The following B4GALT5 variants were observed in gnomAD, a reference collection of about 807,000 sequenced individuals.
The protein encoded by B4GALT5 is beta-1,4-galactosyltransferase 5.
In B4GALT5, 11 loss-of-function variants were observed where a neutral mutation model predicts 45.0. The observed-to-expected ratio is 0.24, with a 90% CI of 0.15 to 0.40. B4GALT5 has a LOEUF of 0.40. Ranked by LOEUF, B4GALT5 falls within the 10% of genes least tolerant of loss-of-function variation. B4GALT5 has a pLI of 1.00. For missense variants in B4GALT5, 337 were observed against 500.2 expected (o/e 0.67, Z 3.11); for synonymous variants, 185 against 182.9 (o/e 1.01, Z -0.09).
At chr20:49,668,871 CTTTTT>C (rs1211404044) in intron 1 of B4GALT5, among the ~76,000 whole-genome samples, 1 of 150,674 alleles carries the variant, frequency 6.6e-6, no homozygotes, top group Non-Finnish European at 1.5e-5. Flanking sequence ...TCATACTAAG[CTTTTT>C]TTTTAGACAG....
Position 49,713,653 on chromosome 20 carries a change from C to A in B4GALT5, c.38G>T (p.Arg13Leu), listed in dbSNP as rs1470699045. 1.3e-6 allele frequency: 2 copies of A among 1,564,756 alleles called. No individual in the cohort carries two copies. Among genetic ancestry groups the A allele is most frequent in the Non-Finnish European group, 1.7e-6 (2 of 1,157,854 alleles). Residue 13 changes from arginine (R) to leucine (L), a missense_variant, in exon 1 of 9, where the codon CGC becomes CTC. Physicochemically the swap from Arg to Leu is moderately radical, Grantham distance 102. Transcript: ENST00000371711. ...GAAGAAGAGCGCGGCGAGCAGCGAG[C>A]GGCGCGGCAGCCGCAGCAGCCCCCG... ...ARRGLLRLPR[R>L]SLLAALFFFS...
intron 2 of B4GALT5, among the ~76,000 whole-genome samples, chr20:49,653,891 T>C (rs2085631799): frequency 1.3e-5 from 2 of 152,194 alleles, no homozygotes; most frequent in Non-Finnish European, 2.9e-5. Context: ...AGGGTGAAAC[T>C]CACCTCTGTA....
chr20:49,639,478 C>A (rs531197891), intron 7 of B4GALT5, among the ~76,000 whole-genome samples, 200 bp downstream of exon 7: 1 of 152,244 alleles, frequency 6.6e-6, no homozygotes, highest in Admixed American at 6.5e-5. Context: ...ATCCTCCCAC[C>A]TCGGCCTTCC....
rs1187585837 is a variant in B4GALT5, at chr20:49,676,078, T to C, written c.116-19376A>G. Among the ~76,000 whole-genome samples, 6 of 138,912 alleles carry C rather than the reference T, an allele frequency of 4.3e-5. No individual in the cohort carries two copies. In the East Asian group the frequency reaches 1.5e-3, roughly 34 times the overall value. 91.1% of individuals were successfully genotyped at this position (138,912 alleles called of 152,430 possible). A position where few individuals can be genotyped will look rare whatever the true frequency, so the allele number is the denominator to read the frequency against. ...CAAAGCTTGGCATTTTCGGAATCCCTACTCATAAAGTGACTCAGTCCACCG... is the reference window on the plus strand; with the variant it reads ...CAAAGCTTGGCATTTTCGGAATCCCCACTCATAAAGTGACTCAGTCCACCG... On this transcript the variant is annotated intron_variant, in intron 1 of 8. Transcript: ENST00000371711.
At chr20:49,705,904 G>GT (rs1344009434) in intron 1 of B4GALT5, among the ~76,000 whole-genome samples, 3 of 151,860 alleles carry the variant, frequency 2.0e-5, no homozygotes, top group Admixed American at 6.6e-5. Flanking sequence ...ATAAGGCCGG[G>GT]TGCAGTGGCT....
chr20:49,654,734 A>G (rs1288514034), intron 2 of B4GALT5, among the ~76,000 whole-genome samples: 1 of 152,238 alleles, frequency 6.6e-6, no homozygotes, highest in African/African-American at 2.4e-5. Flanking sequence ...ATTAGAGAAG[A>G]AGAGAGGACT....
intron 1 of B4GALT5, among the ~76,000 whole-genome samples, chr20:49,708,616 G>GA (rs1408799958): frequency 7.2e-5 from 11 of 152,158 alleles, no homozygotes; most frequent in Admixed American, 7.2e-4. Flanking sequence ...CAAGGAAAGA[G>GA]AAAAATTAGT....
chr20:49,701,479 GA>G (rs1189049678), intron 1 of B4GALT5, among the ~76,000 whole-genome samples: 5 of 151,216 alleles, frequency 3.3e-5, no homozygotes, highest in Admixed American at 1.3e-4. Flanking sequence ...AAGGATAACA[GA>G]AAAAAAAACC....
chr20:49,692,305 G>GAA (rs11482585), intron 1 of B4GALT5, among the ~76,000 whole-genome samples: 71 of 143,588 alleles, frequency 4.9e-4, no homozygotes, highest in Non-Finnish European at 6.5e-4. Context: ...CTCTACAAAA[G>GAA]AAAAAAAAAA....
At chr20:49,679,739 C>A (rs2085756778) in intron 1 of B4GALT5, among the ~76,000 whole-genome samples, 1 of 152,096 alleles carries the variant, frequency 6.6e-6, no homozygotes, top group Non-Finnish European at 1.5e-5. Context: ...TTCAGTGGAC[C>A]TGACTACTGA....
At chr20:49,678,275 G>A (rs1016752033) in intron 1 of B4GALT5, among the ~76,000 whole-genome samples, 6 of 152,192 alleles carry the variant, frequency 3.9e-5, no homozygotes, top group African/African-American at 1.2e-4. Context: ...TACTAATTTC[G>A]CAGAGCAAGT....
At chr20:49,698,605 C>T (rs1568733926) in intron 1 of B4GALT5, among the ~76,000 whole-genome samples, 2 of 151,696 alleles carry the variant, frequency 1.3e-5, no homozygotes, top group Admixed American at 6.6e-5. Context: ...CTCCCACTCT[C>T]GCATTCACAC....
At chr20:49,705,165 T>C (rs945667791) in intron 1 of B4GALT5, among the ~76,000 whole-genome samples, 3 of 152,152 alleles carry the variant, frequency 2.0e-5, no homozygotes, top group Non-Finnish European at 4.4e-5. Flanking sequence ...CAATATTCAT[T>C]TTCATTTAAC....
At chr20:49,707,922 T>TA (rs1217815759) in intron 1 of B4GALT5, among the ~76,000 whole-genome samples, 1 of 151,684 alleles carries the variant, frequency 6.6e-6, no homozygotes, top group Non-Finnish European at 1.5e-5. Flanking sequence ...CCTTTTTTTT[T>TA]TTTTTTTGTC....
intron 1 of B4GALT5, among the ~76,000 whole-genome samples, chr20:49,680,330 A>G (rs1057479335): frequency 6.6e-6 from 1 of 152,222 alleles, no homozygotes; most frequent in African/African-American, 2.4e-5. Flanking sequence ...CCTGTCAGAA[A>G]TAAGACTCGA....
At chr20:49,673,087 A>T (rs2085722583) in intron 1 of B4GALT5, among the ~76,000 whole-genome samples, 1 of 152,116 alleles carries the variant, frequency 6.6e-6, no homozygotes, top group Non-Finnish European at 1.5e-5. Context: ...GGTTTACAAA[A>T]ATACAGTGGA....
chr20:49,707,414 T>C (rs549285146), intron 1 of B4GALT5, among the ~76,000 whole-genome samples: 2 of 152,146 alleles, frequency 1.3e-5, no homozygotes, highest in Admixed American at 1.3e-4. Context: ...TTTAATTCTC[T>C]GAAGTGAAGT....
intron 1 of B4GALT5, among the ~76,000 whole-genome samples, chr20:49,665,421 G>T (rs6125706): frequency 1.3e-5 from 1 of 77,062 alleles, no homozygotes; most frequent in Non-Finnish European, 2.6e-5. Context: ...TCTCAAAAAG[G>T]GGGGGTGGGG....
chr20:49,686,095 T>G (rs1181821783), intron 1 of B4GALT5, among the ~76,000 whole-genome samples: 2 of 152,220 alleles, frequency 1.3e-5, no homozygotes, highest in Admixed American at 1.3e-4. Flanking sequence ...GCAGAATGAT[T>G]TGGAAAACCG....
Sources: gnomAD v4.1 joint callset for allele counts (sites outside exome capture counted in the v4.1 genomes callset) on GRCh38, gnomAD v4.1.1 for gene constraint, MANE v1.5 for transcripts, NCBI Gene and HGNC (gene_info 2026-07-23, HGNC 2026-07-21) for gene names.